The following ALMS1 variants were observed in gnomAD, a reference collection of about 807,000 sequenced individuals.
ALMS1 encodes ALMS1 centrosome and basal body associated protein, also known as centrosome-associated protein ALMS1.
In ALMS1, 271 loss-of-function variants were observed where a neutral mutation model predicts 352.2. That is an observed-to-expected ratio of 0.77 (90% CI 0.70 to 0.85). The LOEUF is 0.85. Ranked by LOEUF, ALMS1 falls within the 40% of genes least tolerant of loss-of-function variation. The pLI is 0.00. For synonymous variants in ALMS1, 1,865 were observed against 1,761.2 expected (o/e 1.06, Z -1.48); for missense variants, 5,445 against 4,870.7 (o/e 1.12, Z -3.51).
chr2:73,601,334 G>T lies in ALMS1; in HGVS notation c.12012G>T (p.Gln4004His). 1.2e-6 allele frequency: 2 copies of T among 1,614,234 alleles called. No homozygotes were observed. Among genetic ancestry groups the T allele is most frequent in the Non-Finnish European group, 1.7e-6 (2 of 1,180,032 alleles). Residue 4004 changes from glutamine to histidine, a missense_variant, in exon 19 of 23, where the codon CAG (glutamine) becomes CAT (histidine). Coordinates refer to ENST00000613296, the MANE Select transcript of ALMS1 (RefSeq NM_001378454.1). Reference protein sequence around the residue: ...TRPWREPLREQNCQGQHLDGR... With the variant: ...TRPWREPLREHNCQGQHLDGR... ...CCTGGAGGGAGCCACTGCGGGAGCA[G>T]AACTGTCAGGGGCAGCACCTGGACG...
chr2:73,440,305 T>G (rs1158855556), intron 7 of ALMS1, among the ~76,000 whole-genome samples: 1 of 152,132 alleles, frequency 6.6e-6, no homozygotes, highest in African/African-American at 2.4e-5. Flanking sequence ...TTCTTTGGGT[T>G]TTCCTGTTTG....
intron 9 of ALMS1, chr2:73,458,575 C>CA (rs1672121915): frequency 1.3e-5 from 2 of 152,156 alleles, no homozygotes; most frequent in Non-Finnish European, 2.9e-5. Flanking sequence ...GGAGACAAAG[C>CA]AGAATGGTCA....
intron 16 of ALMS1, chr2:73,573,728 A>G (rs942493395): frequency 1.8e-5 from 10 of 561,392 alleles, no homozygotes; most frequent in African/African-American, 1.4e-4. Flanking sequence ...ATCCTGAACA[A>G]TATTGCTGGG....
intron 11 of ALMS1, 75 bp downstream of exon 11, chr2:73,520,091 G>A: frequency 6.3e-7 from 1 of 1,587,082 alleles, no homozygotes; most frequent in Non-Finnish European, 8.6e-7. Context: ...TTGTGGTTGT[G>A]TCTTTCTAGT....
chr2:73,402,666 C>G (rs1433124669), intron 1 of ALMS1, among the ~76,000 whole-genome samples: 3 of 152,136 alleles, frequency 2.0e-5, no homozygotes, highest in African/African-American at 7.2e-5. Context: ...TTTTTCCACA[C>G]CCTTGCCAAC....
intron 12 of ALMS1, among the ~76,000 whole-genome samples, chr2:73,546,205 T>A (rs919227267): frequency 6.6e-6 from 1 of 152,228 alleles, no homozygotes; most frequent in African/African-American, 2.4e-5. Flanking sequence ...GTATCTCTAC[T>A]TTAGTGAAAA....
At position 73,519,814 on chromosome 2, in the gene ALMS1, T is replaced by A. The variant is rs769786449; in HGVS notation, c.9579T>A (p.Ser3193=). Residue 3193 remains serine, a synonymous_variant, in exon 11 of 23, where the codon TCT becomes TCA. Coordinates refer to ENST00000613296, the MANE Select transcript of ALMS1 (RefSeq NM_001378454.1). ...EKMKTPLSAF[S]EKLSSDAVTQ... ...TGAAGACCCCACTTTCTGCTTTCTC[T>A]GAAAAATTGTCATCTGATGCAGTCA... is the stretch of plus-strand genomic sequence containing the variant. 1.2e-5 allele frequency: 20 copies of A among 1,613,922 alleles called. No homozygotes were observed. The highest frequency in any genetic ancestry group is 1.4e-5 in the Non-Finnish European group (16 of 1,179,942).
intron 10 of ALMS1, among the ~76,000 whole-genome samples, chr2:73,505,577 T>C (rs1166424135): frequency 6.6e-6 from 1 of 152,220 alleles, no homozygotes; most frequent in Non-Finnish European, 1.5e-5. Flanking sequence ...GTTTGTTTTT[T>C]TCTTGTACAT....
chr2:73,462,409 G>A (rs1416423797), intron 9 of ALMS1, among the ~76,000 whole-genome samples: 4 of 152,170 alleles, frequency 2.6e-5, no homozygotes, highest in South Asian at 2.1e-4. Context: ...CAAATGCTGA[G>A]AGATTTTGTC....
Position 73,490,909 on chromosome 2 carries a change from C to T in ALMS1, c.8950C>T (p.His2984Tyr), listed in dbSNP as rs959391151. Residue 2984 changes from histidine to tyrosine, a missense_variant, in exon 10 of 23, where the codon CAT (histidine) becomes TAT (tyrosine). Coordinates refer to ENST00000613296, the MANE Select transcript of ALMS1 (RefSeq NM_001378454.1). ...TGTAGATGACCAAATGAATAAACAC[C>T]ATTTTCCCCTTCCTCAAGGTCAGGA... is the stretch of plus-strand genomic sequence containing the variant. ...PGVDDQMNKH[H>Y]FPLPQGQDCV... 2 of 1,613,520 alleles carry T rather than the reference C, an allele frequency of 1.2e-6. No homozygotes were observed. Among genetic ancestry groups the T allele is most frequent in the Non-Finnish European group, 1.7e-6 (2 of 1,179,788 alleles).
At chr2:73,553,916 G>T (rs1016485628) in intron 13 of ALMS1, among the ~76,000 whole-genome samples, 8 of 152,006 alleles carry the variant, frequency 5.3e-5, no homozygotes, top group African/African-American at 4.8e-5. Flanking sequence ...ATAATTTCTG[G>T]AACATAAAAT....
chr2:73,450,283 C>T lies in ALMS1; in HGVS notation c.3756C>T (p.Val1252=), dbSNP rs1432106318. 2 of 1,613,846 alleles carry T rather than the reference C, an allele frequency of 1.2e-6. No homozygotes were observed. Among genetic ancestry groups the T allele is most frequent in the South Asian group, 1.1e-5 (1 of 91,082 alleles). ...TEKPGIFYQQ[V]LPDNHPTEEA... The stretch of plus-strand genomic sequence containing the variant: ...AGCCTGGTATTTTCTACCAACAGGT[C>T]TTGCCAGATAATCATCCAACTGAAG... The change falls in exon 8 of 23, where the codon GTC becomes GTT. Residue 1252 remains valine, a synonymous_variant. Transcript: ENST00000613296.
At chr2:73,581,660 TCTCTA>T (rs1408122235) in intron 16 of ALMS1, among the ~76,000 whole-genome samples, 3 of 152,320 alleles carry the variant, frequency 2.0e-5, no homozygotes, top group East Asian at 3.9e-4. Flanking sequence ...CCCTTGGAGG[TCTCTA>T]CTCTACCATT....
chr2:73,389,607 G>A (rs1220558149), intron 1 of ALMS1, among the ~76,000 whole-genome samples: 2 of 152,088 alleles, frequency 1.3e-5, no homozygotes, highest in Admixed American at 6.5e-5. Flanking sequence ...GAGAGATAGG[G>A]ACCCAGAGGA....
intron 10 of ALMS1, among the ~76,000 whole-genome samples, chr2:73,501,509 G>A (rs1673217866): frequency 6.6e-6 from 1 of 151,932 alleles, no homozygotes; most frequent in South Asian, 2.1e-4. Flanking sequence ...TGCAGTTGAG[G>A]ATCATTTTCT....
chr2:73,539,420 G>T (rs1251409563), intron 12 of ALMS1, among the ~76,000 whole-genome samples: 1 of 152,022 alleles, frequency 6.6e-6, no homozygotes, highest in African/African-American at 2.4e-5. Flanking sequence ...CCACAGAGAT[G>T]GGGAAAAAAC....
At chr2:73,581,661 C>T (rs1350397458) in intron 16 of ALMS1, among the ~76,000 whole-genome samples, 3 of 152,080 alleles carry the variant, frequency 2.0e-5, no homozygotes, top group African/African-American at 7.2e-5. Context: ...CCTTGGAGGT[C>T]TCTACTCTAC....
At chr2:73,481,176 C>T (rs1672695119) in intron 9 of ALMS1, among the ~76,000 whole-genome samples, 2 of 146,110 alleles carry the variant, frequency 1.4e-5, no homozygotes, top group Non-Finnish European at 3.1e-5. Context: ...AATGGTAATG[C>T]CTAGGTTTTC....
chr2:73,583,142 T>G (rs1286050461), intron 16 of ALMS1, among the ~76,000 whole-genome samples: 2 of 152,162 alleles, frequency 1.3e-5, no homozygotes, highest in Non-Finnish European at 2.9e-5. Flanking sequence ...TTTATATGCT[T>G]TTTGGCCATT....
Sources: allele counts gnomAD v4.1 joint callset (sites outside exome capture counted in the v4.1 genomes callset), GRCh38; gene constraint gnomAD v4.1.1; transcripts MANE v1.5; gene names NCBI Gene and HGNC (gene_info 2026-07-23, HGNC 2026-07-21).